Variants in GLI3 observed in about 807,000 individuals in gnomAD.
GLI3 encodes the protein transcription activator GLI3.
GLI3 carries 20 observed loss-of-function variants against 100.8 expected under a neutral mutation model. That is an observed-to-expected ratio of 0.20 (90% CI 0.14 to 0.29). GLI3 has a LOEUF of 0.29. GLI3 is among the 10% of genes least tolerant of loss of function. The pLI, the probability that GLI3 is intolerant of heterozygous loss-of-function variation, is 1.00. For synonymous variants in GLI3, 938 were observed against 860.5 expected, an observed-to-expected ratio of 1.09 and a Z score of -1.58; for missense variants, 2,040 against 2,128.5, an observed-to-expected ratio of 0.96 and a Z score of 0.82.
chr7:42,040,234 T>C lies in GLI3; in HGVS notation c.832A>G (p.Arg278Gly). 1.9e-6 allele frequency: 3 copies of C among 1,612,132 alleles called. No homozygotes were observed. The highest frequency in any genetic ancestry group is 2.5e-6 in the Non-Finnish European group (3 of 1,178,192). ...MEYLHAMDST[R>G]FSSPRLSARP... ...GCTGACAGCCTGGGGCTGGAGAATC[T>C]GGTGCCTGTTATATAAACAAAAAAG... Residue 278 changes from arginine to glycine, a missense_variant, in exon 7 of 15, where the codon AGA (arginine) becomes GGA (glycine). Around this residue, in one of 5 missense-constraint regions of GLI3, gnomAD observed 603 missense variants for 690.9 expected, o/e 0.87. Coordinates refer to ENST00000395925, the MANE Select transcript of GLI3 (RefSeq NM_000168.6).
chr7:42,013,470 G>A (rs1389335951), intron 10 of GLI3, among the ~76,000 whole-genome samples: 1 of 151,370 alleles, frequency 6.6e-6, no homozygotes, highest in South Asian at 2.1e-4. Context: ...ATAGCTCATT[G>A]CAGCCACCTC....
intron 10 of GLI3, among the ~76,000 whole-genome samples, chr7:41,987,089 G>GACACACACAC (rs1452930347): frequency 5.3e-5 from 4 of 76,108 alleles, no homozygotes; most frequent in African/African-American, 2.0e-4. Flanking sequence ...AACATACACA[G>GACACACACAC]ACACAGACAC....
Position 41,967,721 on chromosome 7 carries a change from G to A in GLI3, c.2306C>T (p.Pro769Leu), listed in dbSNP as rs139672999. ...GTGCTCCATCCATTTGGTCCCTGCC[G>A]GGTTTCTCCTGGCTTGCAAAGCAAG... is the stretch of plus-strand genomic sequence containing the variant. ...TALALQARRN[P>L]AGTKWMEHVK... The change falls in exon 14 of 15, where the codon CCG (proline) becomes CTG (leucine). Residue 769 changes from proline (P) to leucine (L), a missense_variant. Pro to Leu is a moderately conservative substitution (Grantham distance 98, BLOSUM62 -3). Around this residue, in one of 5 missense-constraint regions of GLI3, gnomAD observed 327 missense variants for 338.7 expected, o/e 0.97. Transcript: ENST00000395925. The A allele has an allele frequency of 4.7e-5, 76 of 1,614,034 alleles. 1 individual carries two copies. The highest frequency in any genetic ancestry group is 1.5e-4 in the Admixed American group (9 of 60,004).
intron 2 of GLI3, among the ~76,000 whole-genome samples, chr7:42,196,181 T>C (rs1203234223): frequency 6.6e-6 from 1 of 152,238 alleles, no homozygotes; most frequent in Non-Finnish European, 1.5e-5. Context: ...GACATTTTCA[T>C]GGTCCTACAA....
chr7:42,181,419 GATGAAACC>G (rs1787590085), intron 2 of GLI3, among the ~76,000 whole-genome samples: 1 of 151,962 alleles, frequency 6.6e-6, no homozygotes, highest in Non-Finnish European at 1.5e-5. Context: ...TGGGCAACAT[GATGAAACC>G]CTGTCTCTAT....
intron 13 of GLI3, among the ~76,000 whole-genome samples, chr7:41,969,215 G>A (rs772617440): frequency 3.3e-5 from 5 of 152,148 alleles, no homozygotes; most frequent in African/African-American, 4.8e-5. Context: ...CAAAGTGAAT[G>A]GTGCAACTAG....
At chr7:42,243,168 A>G (rs1192235628) in intron 1 of GLI3, among the ~76,000 whole-genome samples, 1 of 152,192 alleles carries the variant, frequency 6.6e-6, no homozygotes. Context: ...AGTGAACACC[A>G]AAGAGACTCC....
At chr7:41,968,518 C>G (rs1268905393) in intron 13 of GLI3, among the ~76,000 whole-genome samples, 4 of 151,996 alleles carry the variant, frequency 2.6e-5, no homozygotes, top group African/African-American at 7.3e-5. Context: ...AACAAGAGCC[C>G]CTCTAGGCTG....
intron 3 of GLI3, among the ~76,000 whole-genome samples, chr7:42,099,189 T>C (rs997395687): frequency 1.3e-5 from 2 of 152,200 alleles, no homozygotes; most frequent in African/African-American, 4.8e-5. Flanking sequence ...AGTTGCTACA[T>C]TGATAGTAAC....
At chr7:42,240,754 T>G (rs1788916271), upstream of GLI3, among the ~76,000 whole-genome samples, 3 of 152,204 alleles carry the variant, frequency 2.0e-5, no homozygotes, top group Admixed American at 6.5e-5. Flanking sequence ...GGGTTAGAAC[T>G]TCAACATTTT....
At chr7:42,192,988 TG>T (rs1787858222) in intron 2 of GLI3, among the ~76,000 whole-genome samples, 1 of 152,154 alleles carries the variant, frequency 6.6e-6, no homozygotes, top group African/African-American at 2.4e-5. Flanking sequence ...AAAGACTTGA[TG>T]ATTAAGAGAC....
At chr7:42,130,422 T>G (rs1234344526) in intron 3 of GLI3, among the ~76,000 whole-genome samples, 5 of 152,182 alleles carry the variant, frequency 3.3e-5, no homozygotes, top group Non-Finnish European at 7.3e-5. Flanking sequence ...TTAGAAGGTT[T>G]TAGAAAGCAT....
rs61524545 is a variant in GLI3 at position 42,194,759 on chromosome 7, CTT to C, written c.124+28369_124+28370del. 8.4e-3 allele frequency among the ~76,000 whole-genome samples: 910 copies of C among 108,938 alleles called. 22 individuals are homozygous for C. Among genetic ancestry groups the C allele is most frequent in the African/African-American group, 0.035 (857 of 24,738 alleles). The allele number at this position is 108,938 out of a possible 152,430, so 71.5% of individuals were successfully genotyped here. A position where few individuals can be genotyped will look rare whatever the true frequency, so the allele number is the denominator to read the frequency against. On this transcript the variant is annotated intron_variant, in intron 2 of 14. Transcript: ENST00000395925. ...AATGCATCAACTTCTCTCTCTGTCT[CTT>C]TTTTTTTTTTTTTTTGGAGTCGGAG...
chr7:42,228,065 G>A (rs1207609003), intron 1 of GLI3, among the ~76,000 whole-genome samples: 1 of 152,152 alleles, frequency 6.6e-6, no homozygotes, highest in Admixed American at 6.5e-5. Flanking sequence ...TCCCCTGCCC[G>A]AGGTCCCAGG....
At chr7:42,261,912 T>TCCTTCCCTC (rs1789144578) in intron 1 of GLI3, among the ~76,000 whole-genome samples, 2 of 141,204 alleles carry the variant, frequency 1.4e-5, no homozygotes, top group African/African-American at 5.2e-5. Flanking sequence ...TTCCCTCCCT[T>TCCTTCCCTC]CCTTCCTTCT....
chr7:42,193,413 T>A (rs1787867318), intron 2 of GLI3, among the ~76,000 whole-genome samples: 1 of 151,832 alleles, frequency 6.6e-6, no homozygotes, highest in African/African-American at 2.4e-5. Context: ...AGGAACACAC[T>A]CTGCCTGAGC....
intron 3 of GLI3, among the ~76,000 whole-genome samples, chr7:42,105,550 G>A (rs1785554953): frequency 6.6e-6 from 1 of 152,154 alleles, no homozygotes. Flanking sequence ...GAAGGAGAAA[G>A]AAAATCAGGG....
At chr7:42,233,292 G>A (rs912476362) in intron 1 of GLI3, among the ~76,000 whole-genome samples, 1 of 152,192 alleles carries the variant, frequency 6.6e-6, no homozygotes, top group African/African-American at 2.4e-5. Flanking sequence ...AAAACAGGAA[G>A]CTTAGTGAGC....
chr7:42,117,621 G>A lies in GLI3; in HGVS notation c.367+30605C>T, dbSNP rs978768146. ...CCAGCTTTAAAAGAGGCCAGGACTC[G>A]TTAGTGAAAATAGTTTTGACTTGTT... On this transcript the variant is annotated intron_variant, in intron 3 of 14. Transcript: ENST00000395925. Among the ~76,000 whole-genome samples, 29 of 152,302 alleles carry A rather than the reference G, an allele frequency of 1.9e-4. 3 individuals are homozygous for A. The South Asian group carries it at 4.4e-3, about 23-fold the overall frequency.
Sources: gnomAD v4.1 joint callset for allele counts (sites outside exome capture counted in the v4.1 genomes callset) on GRCh38, gnomAD v4.1.1 for gene constraint, gnomAD v4.1.1 regional missense constraint, MANE v1.5 for transcripts, NCBI Gene and HGNC (gene_info 2026-07-23, HGNC 2026-07-21) for gene names.